STPG2: variants seen among roughly 807,000 people sequenced by gnomAD.
The protein encoded by STPG2 is sperm tail PG-rich repeat containing 2.
Under a neutral mutation model 54.2 loss-of-function variants are expected in STPG2, and 56 were observed. The ratio of observed to expected loss-of-function variants is 1.03; its 90% CI spans 0.83 to 1.29. The LOEUF is 1.29. Ranked by LOEUF, STPG2 falls within the 50% of genes most tolerant of loss-of-function variation. The probability of loss-of-function intolerance (pLI) is 0.00; values close to 1 mark genes in which losing one functional copy is unlikely to be tolerated. For synonymous variants in STPG2, 200 were observed against 181.8 expected (o/e 1.10, Z -0.81); for missense variants, 596 against 544.9 (o/e 1.09, Z -0.93).
At chr4:97,529,387 T>G (rs951528010) in intron 4 of STPG2, among the ~76,000 whole-genome samples, 1 of 152,178 alleles carries the variant, frequency 6.6e-6, no homozygotes, top group Non-Finnish European at 1.5e-5. Flanking sequence ...GTTTTGCCAG[T>G]ATTTTATTGA....
At chr4:97,549,187 A>C (rs545621274) in intron 4 of STPG2, among the ~76,000 whole-genome samples, 1 of 152,112 alleles carries the variant, frequency 6.6e-6, no homozygotes, top group African/African-American at 2.4e-5. Flanking sequence ...GCTTAATCTC[A>C]ATGTCTCCAT....
At chr4:97,912,260 A>G (rs141393419) in intron 8 of STPG2, among the ~76,000 whole-genome samples, 238 of 152,356 alleles carry the variant, frequency 1.6e-3, no homozygotes, top group African/African-American at 5.6e-3. Context: ...TACAGCGCCT[A>G]TTCTTCAAAT....
At chr4:97,639,908 C>G (rs933372310) in intron 10 of STPG2, among the ~76,000 whole-genome samples, 1 of 151,892 alleles carries the variant, frequency 6.6e-6, no homozygotes, top group Non-Finnish European at 1.5e-5. Flanking sequence ...ACTATTTAGC[C>G]TTTATTCTAC....
chr4:98,137,805 T>C (rs909662432), intron 1 of STPG2, among the ~76,000 whole-genome samples: 1 of 151,806 alleles, frequency 6.6e-6, no homozygotes, highest in Admixed American at 6.6e-5. Flanking sequence ...TACATATATA[T>C]GAAATAATTG....
At chr4:97,530,591 A>G (rs1731393165) in intron 4 of STPG2, among the ~76,000 whole-genome samples, 1 of 152,208 alleles carries the variant, frequency 6.6e-6, no homozygotes, top group Non-Finnish European at 1.5e-5. Context: ...TAAAAATCAA[A>G]GGCATGACAA....
intron 5 of STPG2, among the ~76,000 whole-genome samples, chr4:98,001,365 G>A (rs1735410798): frequency 6.6e-6 from 1 of 151,284 alleles, no homozygotes; most frequent in Non-Finnish European, 1.5e-5. Flanking sequence ...TGTCTATTTT[G>A]GTAAAATGGT....
chr4:97,707,813 A>G (rs564696835), intron 10 of STPG2, among the ~76,000 whole-genome samples: 17 of 152,316 alleles, frequency 1.1e-4, no homozygotes, highest in African/African-American at 4.1e-4. Context: ...ACAAAAATAA[A>G]AACCATATCC....
chr4:97,884,864 C>T (rs1381337516), intron 8 of STPG2, among the ~76,000 whole-genome samples: 2 of 152,164 alleles, frequency 1.3e-5, no homozygotes, highest in African/African-American at 2.4e-5. Context: ...TTCTGACCTA[C>T]CTTTTCCTTC....
intron 10 of STPG2, among the ~76,000 whole-genome samples, chr4:97,600,923 T>G (rs993509995): frequency 1.3e-5 from 2 of 151,990 alleles, no homozygotes; most frequent in Non-Finnish European, 2.9e-5. Flanking sequence ...GCAGAGAAAT[T>G]TTAGCCAAAG....
chr4:97,469,535 G>A (rs1006816682), intron 4 of STPG2, among the ~76,000 whole-genome samples: 3 of 152,012 alleles, frequency 2.0e-5, no homozygotes, highest in Non-Finnish European at 4.4e-5. Flanking sequence ...GAATCAGAGA[G>A]GAAGATACTA....
chr4:98,018,647 G>A (rs982697490), intron 5 of STPG2, among the ~76,000 whole-genome samples: 13 of 151,824 alleles, frequency 8.6e-5, no homozygotes, highest in Non-Finnish European at 1.9e-4. Flanking sequence ...GTGTAAAAGT[G>A]TTCCTATTTC....
At chr4:97,898,813 A>C (rs1403904377) in intron 8 of STPG2, among the ~76,000 whole-genome samples, 1 of 151,778 alleles carries the variant, frequency 6.6e-6, no homozygotes, top group South Asian at 2.1e-4. Flanking sequence ...AATGATGAGC[A>C]AAATTCGTAT....
At chr4:97,781,447 C>A (rs895975873) in intron 9 of STPG2, among the ~76,000 whole-genome samples, 75 of 152,054 alleles carry the variant, frequency 4.9e-4, no homozygotes, top group African/African-American at 1.8e-3. Context: ...TAATAGCCTA[C>A]CAACCAAAAA....
chr4:97,494,514 C>T (rs913584888), intron 4 of STPG2, among the ~76,000 whole-genome samples: 5 of 151,526 alleles, frequency 3.3e-5, no homozygotes, highest in African/African-American at 4.8e-5. Context: ...GTCATCTTGT[C>T]TTTGTCTCCA....
At position 97,977,108 on chromosome 4, in the gene STPG2, TA is replaced by T. The variant is rs564288768; in HGVS notation, c.772+4050del. On this transcript the variant is annotated intron_variant, in intron 6 of 10. Transcript: ENST00000295268. ...ATCCACGTTGTTTTCTAAAATACTG[TA>T]AAAGACTAAAAAGTGCCAGAGAAGA... is the stretch of plus-strand genomic sequence containing the variant. Among the ~76,000 whole-genome samples the T allele has an allele frequency of 1.2e-4, 18 of 152,274 alleles. No homozygotes were observed. The East Asian group carries it at 2.3e-3, about 20-fold the overall frequency.
chr4:97,863,948 A>G (rs562977040), intron 8 of STPG2, among the ~76,000 whole-genome samples: 2 of 152,094 alleles, frequency 1.3e-5, no homozygotes, highest in Admixed American at 6.6e-5. Flanking sequence ...GGATGTATCT[A>G]AAAATAATAA....
At chr4:97,666,968 G>T (rs1722548966) in intron 10 of STPG2, among the ~76,000 whole-genome samples, 1 of 151,868 alleles carries the variant, frequency 6.6e-6, no homozygotes, top group South Asian at 2.1e-4. Flanking sequence ...TGACATCATT[G>T]TGACCACCTC....
At chr4:98,033,252 T>C (rs1560647021) in intron 5 of STPG2, among the ~76,000 whole-genome samples, 1 of 151,366 alleles carries the variant, frequency 6.6e-6, no homozygotes, top group East Asian at 1.9e-4. Flanking sequence ...ATAGATGCAA[T>C]AAAAAATAAT....
At chr4:97,965,636 G>T (rs905716607) in intron 7 of STPG2, among the ~76,000 whole-genome samples, 1 of 152,150 alleles carries the variant, frequency 6.6e-6, no homozygotes, top group Non-Finnish European at 1.5e-5. Flanking sequence ...CTGGGACGAA[G>T]CTTCCAGAAA....
Sources: allele counts gnomAD v4.1 joint callset (sites outside exome capture counted in the v4.1 genomes callset), GRCh38; gene constraint gnomAD v4.1.1; transcripts MANE v1.5; gene names NCBI Gene and HGNC (gene_info 2026-07-23, HGNC 2026-07-21).